The following MYO5B variants were observed in gnomAD, a reference collection of about 807,000 sequenced individuals.
The protein encoded by MYO5B is myosin VB, also known as unconventional myosin-Vb.
A neutral mutation model predicts 229.3 loss-of-function variants in MYO5B; 143 were observed. That is an observed-to-expected ratio of 0.62 (90% CI 0.54 to 0.72). MYO5B has a LOEUF of 0.72. Among genes scored for constraint, MYO5B ranks in the 30% least tolerant of loss-of-function variants. MYO5B has a pLI of 0.00. For synonymous variants in MYO5B, 918 were observed against 885.2 expected, an observed-to-expected ratio of 1.04 and a Z score of -0.66; for missense variants, 2,321 against 2,331.0, an observed-to-expected ratio of 1.00 and a Z score of 0.09.
rs542746253 is a variant in MYO5B, at chr18:49,929,473, G to C, written c.2090+39C>G. The stretch of plus-strand genomic sequence containing the variant: ...GGGGAACCAAACTCTGGCTGCTCTA[G>C]GGCAGCCCCAGGAGGCAGCTGGCGG... On this transcript the variant is annotated intron_variant, in intron 17 of 39. Transcript: ENST00000285039. 3.4e-5 allele frequency: 52 copies of C among 1,551,110 alleles called. No individual in the cohort carries two copies. The East Asian group carries it at 1.2e-3, about 35-fold the overall frequency.
intron 18 of MYO5B, among the ~76,000 whole-genome samples, chr18:49,910,933 C>T (rs16951210): frequency 0.051 from 7,770 of 152,298 alleles, 493 homozygotes; most frequent in African/African-American, 0.14. Flanking sequence ...AAATGTCTGG[C>T]ACCATGGAAA....
intron 21 of MYO5B, among the ~76,000 whole-genome samples, chr18:49,900,733 T>G (rs1362978286): frequency 6.6e-6 from 1 of 152,194 alleles, no homozygotes; most frequent in Non-Finnish European, 1.5e-5. Context: ...TCATGTCCTT[T>G]CCTTCCCTAG....
At chr18:49,939,433 C>G (rs2025289540) in intron 14 of MYO5B, among the ~76,000 whole-genome samples, 1 of 152,168 alleles carries the variant, frequency 6.6e-6, no homozygotes, top group South Asian at 2.1e-4. Flanking sequence ...TGTGAGCCAC[C>G]ATGCCCGGCC....
At chr18:49,969,320 A>G (rs1232420675) in intron 10 of MYO5B, among the ~76,000 whole-genome samples, 1 of 152,246 alleles carries the variant, frequency 6.6e-6, no homozygotes, top group African/African-American at 2.4e-5. Context: ...GAGCGAGACC[A>G]AGAAAACTAA....
intron 1 of MYO5B, among the ~76,000 whole-genome samples, chr18:50,192,659 C>T (rs2033244558): frequency 6.6e-6 from 1 of 152,200 alleles, no homozygotes; most frequent in Non-Finnish European, 1.5e-5. Flanking sequence ...GCAAGAGTTT[C>T]TGTGGAAAAC....
chr18:49,833,674 G>C (rs1568601524), intron 39 of MYO5B, among the ~76,000 whole-genome samples: 1 of 152,112 alleles, frequency 6.6e-6, no homozygotes, highest in Non-Finnish European at 1.5e-5. Flanking sequence ...TCCCTCTAAT[G>C]TGTGTCTCAG....
intron 39 of MYO5B, among the ~76,000 whole-genome samples, chr18:49,830,210 T>TA (rs200598400): frequency 1.7e-4 from 25 of 147,324 alleles, no homozygotes; most frequent in South Asian, 4.3e-4. Context: ...AAGTACATAA[T>TA]AAAAAAAAAC....
chr18:49,944,898 C>T (rs115879766), intron 14 of MYO5B, among the ~76,000 whole-genome samples: 1,709 of 152,292 alleles, frequency 0.011, 33 homozygotes, highest in African/African-American at 0.04. Flanking sequence ...ATGGCCTCCT[C>T]CCCATGCTGC....
At chr18:49,922,135 A>T (rs1003614859) in intron 17 of MYO5B, among the ~76,000 whole-genome samples, 1 of 152,214 alleles carries the variant, frequency 6.6e-6, no homozygotes, top group African/African-American at 2.4e-5. Flanking sequence ...CATCAACAAA[A>T]TAACTGCTCA....
At chr18:49,897,068 G>A (rs1354051245) in intron 21 of MYO5B, among the ~76,000 whole-genome samples, 2 of 152,176 alleles carry the variant, frequency 1.3e-5, no homozygotes, top group Non-Finnish European at 1.5e-5. Flanking sequence ...CGAGTCTCTG[G>A]CTGTCTGGGG....
chr18:50,178,202 C>T (rs896710469), intron 1 of MYO5B, among the ~76,000 whole-genome samples: 1 of 152,240 alleles, frequency 6.6e-6, no homozygotes, highest in South Asian at 2.1e-4. Context: ...ACCATTTTCA[C>T]AAATCAGAGC....
At chr18:49,961,499 A>G (rs966602116) in intron 12 of MYO5B, among the ~76,000 whole-genome samples, 1 of 152,260 alleles carries the variant, frequency 6.6e-6, no homozygotes, top group Admixed American at 6.5e-5. Context: ...TACAGGCAAG[A>G]TGTGGGAGAG....
At chr18:50,144,137 C>G (rs2032463061) in intron 1 of MYO5B, among the ~76,000 whole-genome samples, 1 of 152,112 alleles carries the variant, frequency 6.6e-6, no homozygotes, top group Admixed American at 6.5e-5. Context: ...CCCCACCCCC[C>G]TTAGAAATAT....
rs75963492 is a variant in MYO5B, at chr18:49,912,192, G to A, written c.2091-19C>T. On this transcript the variant is annotated intron_variant, in intron 17 of 39. Coordinates refer to ENST00000285039, the MANE Select transcript of MYO5B (RefSeq NM_001080467.3). ...GGCCCACCTGGAGGGAAAGCAAAGG[G>A]GCATCAGGTGACACATCCTGCCTCT... is the stretch of plus-strand genomic sequence containing the variant. 1.3e-3 allele frequency: 2,000 copies of A among 1,593,804 alleles called. 23 individuals are homozygous for A. The African/African-American group carries it at 0.017, about 14-fold the overall frequency.
chr18:49,960,561 C>T (rs1363897169), intron 12 of MYO5B, among the ~76,000 whole-genome samples: 1 of 152,226 alleles, frequency 6.6e-6, no homozygotes, highest in Non-Finnish European at 1.5e-5. Flanking sequence ...TGTAATAACA[C>T]CTGTTGGCTT....
At chr18:50,093,406 T>C (rs945761213) in intron 1 of MYO5B, among the ~76,000 whole-genome samples, 2 of 152,162 alleles carry the variant, frequency 1.3e-5, no homozygotes, top group Non-Finnish European at 2.9e-5. Flanking sequence ...GAGTAAATAA[T>C]ATGGATGTTA....
chr18:49,902,929 G>A (rs2024859724), intron 20 of MYO5B, 96 bp from the exon 21 acceptor site: 1 of 1,501,052 alleles, frequency 6.7e-7, no homozygotes, highest in Non-Finnish European at 9.0e-7. Flanking sequence ...AGAGGCCAGG[G>A]CAGCCTTGGT....
chr18:50,025,684 T>C lies in MYO5B; in HGVS notation c.455+11166A>G, dbSNP rs537976993. Reference sequence around the variant, plus strand: ...ACAGATGACACTAATAGAGGGACAATGGCCTGCACTCTCAGTTATATTCCC... The same window carrying C: ...ACAGATGACACTAATAGAGGGACAACGGCCTGCACTCTCAGTTATATTCCC... On this transcript the variant is annotated intron_variant, in intron 4 of 39. Transcript: ENST00000285039. Among the ~76,000 whole-genome samples, 8 of 152,308 alleles carry C rather than the reference T, an allele frequency of 5.3e-5. No homozygotes were observed. The South Asian group carries it at 1.7e-3, about 32-fold the overall frequency.
chr18:49,936,355 G>C lies in MYO5B; in HGVS notation c.1906-6C>G. The C allele has an allele frequency of 1.9e-6, 3 of 1,580,890 alleles. No individual in the cohort carries two copies. Among genetic ancestry groups the C allele is most frequent in the South Asian group, 1.1e-5 (1 of 87,178 alleles). On this transcript the variant is annotated splice_region_variant and splice_polypyrimidine_tract_variant and intron_variant, in intron 15 of 39. Coordinates refer to ENST00000285039, the MANE Select transcript of MYO5B (RefSeq NM_001080467.3). ...AGATGCAGGGAGGTACGGAACTAGA[G>C]AGACAAAAGCCAGTGCTTGGTTAGT...
Sources: allele counts gnomAD v4.1 joint callset (sites outside exome capture counted in the v4.1 genomes callset), GRCh38; gene constraint gnomAD v4.1.1; transcripts MANE v1.5; gene names NCBI Gene and HGNC (gene_info 2026-07-23, HGNC 2026-07-21).